PAPPA2: variants seen among roughly 807,000 people sequenced by gnomAD.
PAPPA2 encodes the protein pappalysin-2.
Under a neutral mutation model 176.4 loss-of-function variants are expected in PAPPA2, and 86 were observed. That is an observed-to-expected ratio of 0.49 (90% confidence interval 0.41 to 0.58). The LOEUF is 0.58. PAPPA2 is among the 20% of genes least tolerant of loss of function. PAPPA2 has a pLI of 0.00. For missense variants in PAPPA2, 2,073 were observed against 2,256.9 expected, an observed-to-expected ratio of 0.92 and a Z score of 1.65; for synonymous variants, 809 against 852.2, an observed-to-expected ratio of 0.95 and a Z score of 0.88.
At chr1:176,686,065 T>C (rs1366251093) in intron 4 of PAPPA2, among the ~76,000 whole-genome samples, 1 of 152,048 alleles carries the variant, frequency 6.6e-6, no homozygotes, top group Non-Finnish European at 1.5e-5. Flanking sequence ...CATCACAAGT[T>C]TGTTTTGGTT....
At chr1:176,750,635 C>T (rs1663128947) in intron 14 of PAPPA2, among the ~76,000 whole-genome samples, 1 of 151,926 alleles carries the variant, frequency 6.6e-6, no homozygotes, top group African/African-American at 2.4e-5. Flanking sequence ...GTGACAACAA[C>T]AACAACAACA....
At chr1:176,686,297 C>T (rs956458749) in intron 4 of PAPPA2, among the ~76,000 whole-genome samples, 1 of 152,106 alleles carries the variant, frequency 6.6e-6, no homozygotes, top group East Asian at 1.9e-4. Context: ...TACCTCTTCA[C>T]AGTGGGGCAG....
chr1:176,789,261 A>T (rs1665072308), intron 17 of PAPPA2, among the ~76,000 whole-genome samples: 1 of 152,242 alleles, frequency 6.6e-6, no homozygotes, highest in Admixed American at 6.5e-5. Flanking sequence ...AGGGGCATGG[A>T]TGAAGCTGGA....
At chr1:176,471,686 A>G (rs1216082703) in intron 1 of PAPPA2, among the ~76,000 whole-genome samples, 2 of 152,176 alleles carry the variant, frequency 1.3e-5, no homozygotes, top group African/African-American at 4.8e-5. Flanking sequence ...CCCAAATGAC[A>G]TCCTTAAACA....
intron 17 of PAPPA2, among the ~76,000 whole-genome samples, chr1:176,783,295 C>A (rs1664799107): frequency 6.6e-6 from 1 of 152,122 alleles, no homozygotes; most frequent in Non-Finnish European, 1.5e-5. Flanking sequence ...CATCAGGTCC[C>A]CTTGGTCAGC....
intron 21 of PAPPA2, among the ~76,000 whole-genome samples, chr1:176,829,289 G>GAAA (rs113825507): frequency 3.8e-4 from 55 of 145,068 alleles, no homozygotes; most frequent in African/African-American, 1.3e-3. Flanking sequence ...AGAGAATGGG[G>GAAA]AAAAAAAAAA....
chr1:176,671,524 G>GA (rs1322467155), intron 4 of PAPPA2, among the ~76,000 whole-genome samples: 2 of 152,102 alleles, frequency 1.3e-5, no homozygotes, highest in Non-Finnish European at 2.9e-5. Context: ...GGACTCCTGA[G>GA]AAAAATCCCA....
chr1:176,538,619 T>C (rs1351782125), intron 1 of PAPPA2, among the ~76,000 whole-genome samples: 2 of 149,812 alleles, frequency 1.3e-5, no homozygotes, highest in African/African-American at 4.9e-5. Flanking sequence ...GTTTCTTTTT[T>C]GTTTCTCTCA....
chr1:176,815,697 G>A (rs1379173544), intron 21 of PAPPA2, among the ~76,000 whole-genome samples: 1 of 151,462 alleles, frequency 6.6e-6, no homozygotes, highest in Non-Finnish European at 1.5e-5. Flanking sequence ...ACGTGTTAGG[G>A]AGACATGAGA....
chr1:176,484,836 A>G (rs775765293), intron 1 of PAPPA2, among the ~76,000 whole-genome samples: 2 of 152,122 alleles, frequency 1.3e-5, no homozygotes, highest in South Asian at 2.1e-4. Context: ...CAACTCTGCC[A>G]TATCTGAGTG....
intron 20 of PAPPA2, 79 bp from the exon 21 acceptor site, chr1:176,799,982 T>A: frequency 7.0e-7 from 1 of 1,433,500 alleles, no homozygotes; most frequent in Non-Finnish European, 9.8e-7. Context: ...ACTCCTGTGG[T>A]GAGCTCAGGA....
At chr1:176,566,134 C>T (rs1651964387) in intron 2 of PAPPA2, among the ~76,000 whole-genome samples, 1 of 152,184 alleles carries the variant, frequency 6.6e-6, no homozygotes, top group Non-Finnish European at 1.5e-5. Context: ...ACATAGCTCA[C>T]ATAGCTGTGA....
At chr1:176,828,864 G>A (rs996726473) in intron 21 of PAPPA2, among the ~76,000 whole-genome samples, 49 of 151,958 alleles carry the variant, frequency 3.2e-4, no homozygotes, top group African/African-American at 1.1e-3. Flanking sequence ...TTAGCTGGGC[G>A]TGGTGGTGGG....
chr1:176,578,981 C>T (rs1425111117), intron 2 of PAPPA2, among the ~76,000 whole-genome samples: 1 of 152,096 alleles, frequency 6.6e-6, no homozygotes, highest in Admixed American at 6.6e-5. Context: ...TTTTAATTAA[C>T]TGTTATAATT....
chr1:176,532,710 A>C, intron 1 of PAPPA2, among the ~76,000 whole-genome samples: 1 of 152,108 alleles, frequency 6.6e-6, no homozygotes, highest in East Asian at 1.9e-4. Flanking sequence ...TAAGGGTGTG[A>C]TTCTGGCTGC....
intron 3 of PAPPA2, among the ~76,000 whole-genome samples, chr1:176,658,833 G>A (rs188342280): frequency 6.6e-6 from 1 of 152,066 alleles, no homozygotes; most frequent in African/African-American, 2.4e-5. Flanking sequence ...AAGAACACCA[G>A]TTTTGATGTT....
At chr1:176,841,489 G>T (rs79168825) in intron 22 of PAPPA2, among the ~76,000 whole-genome samples, 1 of 151,908 alleles carries the variant, frequency 6.6e-6, no homozygotes, top group African/African-American at 2.4e-5. Context: ...TAGTGTACTT[G>T]GACTAGTATT....
chr1:176,824,175 A>G (rs1261609932), intron 21 of PAPPA2, among the ~76,000 whole-genome samples: 1 of 152,196 alleles, frequency 6.6e-6, no homozygotes, highest in East Asian at 1.9e-4. Context: ...CAGTTTATCA[A>G]CACACATTGC....
rs146293987 is a variant in PAPPA2, at chr1:176,779,554, G to T, written c.4715+8374G>T. On this transcript the variant is annotated intron_variant, in intron 17 of 22. Coordinates refer to ENST00000367662, the MANE Select transcript of PAPPA2 (RefSeq NM_020318.3). ...GAGAGAGAGAGAGGAGTGTGGCTGA[G>T]CAGATCTTCTGATCATCAGGGATAG... Among the ~76,000 whole-genome samples, 4 of 150,942 alleles carry T rather than the reference G, an allele frequency of 2.7e-5. No individual in the cohort carries two copies. The East Asian group carries it at 7.8e-4, about 29-fold the overall frequency.
Sources: gnomAD v4.1 joint callset for allele counts (sites outside exome capture counted in the v4.1 genomes callset) on GRCh38, gnomAD v4.1.1 for gene constraint, MANE v1.5 for transcripts, NCBI Gene and HGNC (gene_info 2026-07-23, HGNC 2026-07-21) for gene names.